IL34: variants seen among roughly 807,000 people sequenced by gnomAD.
The protein encoded by IL34 is interleukin-34.
Under a neutral mutation model 25.3 loss-of-function variants are expected in IL34, and 17 were observed. That is an observed-to-expected ratio of 0.67 (90% CI 0.46 to 1.01). The LOEUF (loss-of-function observed/expected upper bound fraction) is 1.01. Ranked by LOEUF, IL34 falls within the 50% of genes least tolerant of loss-of-function variation. The pLI, the probability that IL34 is intolerant of heterozygous loss-of-function variation, is 0.00. For synonymous variants in IL34, 174 were observed against 140.9 expected (o/e 1.23, Z -1.66); for missense variants, 368 against 312.9 (o/e 1.18, Z -1.33).
intron 1 of IL34, among the ~76,000 whole-genome samples, chr16:70,589,532 C>T (rs2151805765): frequency 6.6e-6 from 1 of 152,206 alleles, no homozygotes; most frequent in South Asian, 2.1e-4. Flanking sequence ...GGATAATGGC[C>T]TCCAGCTCCA....
chr16:70,656,700 TG>T (rs1433454105), intron 3 of IL34, 21 bp downstream of exon 3: 42 of 1,174,660 alleles, frequency 3.6e-5, no homozygotes, highest in Non-Finnish European at 5.1e-5. Flanking sequence ...CTTCCTGGGC[TG>T]GGGGGACCCT....
At chr16:70,626,586 G>A (rs976576230) in intron 1 of IL34, among the ~76,000 whole-genome samples, 1 of 151,916 alleles carries the variant, frequency 6.6e-6, no homozygotes, top group African/African-American at 2.4e-5. Flanking sequence ...AGTGGAGATG[G>A]GGTTTCACCA....
chr16:70,604,346 C>T (rs74024406), intron 1 of IL34, among the ~76,000 whole-genome samples: 2,800 of 152,312 alleles, frequency 0.018, 89 homozygotes, highest in African/African-American at 0.063. Flanking sequence ...ACACCCATTT[C>T]CCCTACACCA....
intron 1 of IL34, among the ~76,000 whole-genome samples, chr16:70,597,078 T>A (rs1003398159): frequency 2.0e-5 from 3 of 152,144 alleles, no homozygotes; most frequent in Non-Finnish European, 4.4e-5. Flanking sequence ...TTAACCCTCC[T>A]AGTGAACTGA....
rs564529049 is a variant in IL34, at chr16:70,660,468, C to T, written c.*281C>T. ...CCTGGTGCTGCCCTCACTGTCCCCC[C>T]GCCTAAAGGGGGTACTGAGCCTCCT... is the stretch of plus-strand genomic sequence containing the variant. On this transcript the variant is annotated 3_prime_UTR_variant, in exon 6 of 6. Coordinates refer to ENST00000288098, the MANE Select transcript of IL34 (RefSeq NM_001393494.1). 413 of 356,602 alleles carry T rather than the reference C, an allele frequency of 1.2e-3. 1 individual carries two copies. The highest frequency in any genetic ancestry group is 1.7e-3 in the Non-Finnish European group (328 of 198,418). 22.1% of individuals were successfully genotyped at this position (356,602 alleles called of 1,614,324 possible).
upstream of IL34, among the ~76,000 whole-genome samples, chr16:70,644,921 GAGGAGGA>G (rs1197739842): frequency 2.5e-5 from 2 of 81,286 alleles, no homozygotes; most frequent in Admixed American, 9.9e-5. Context: ...GGAGGAGAAG[GAGGAGGA>G]AGGAGGAAGA....
At chr16:70,625,306 G>A (rs918925533) in intron 1 of IL34, among the ~76,000 whole-genome samples, 1 of 151,864 alleles carries the variant, frequency 6.6e-6, no homozygotes, top group Admixed American at 6.6e-5. Flanking sequence ...GGGGTTCGGG[G>A]GTTCTTACCC....
Position 70,646,806 on chromosome 16 carries a change from C to T in IL34, c.-142C>T. On this transcript the variant is annotated 5_prime_UTR_variant, in exon 1 of 6. Transcript: ENST00000288098. Reference sequence around the variant, plus strand: ...TGGGGCACCTGCTCACTCCCGCAGCCCAGCCACTCCTCCAGGGCCAGCCCT... The same window carrying T: ...TGGGGCACCTGCTCACTCCCGCAGCTCAGCCACTCCTCCAGGGCCAGCCCT... The T allele has an allele frequency of 1.3e-6, 1 of 755,610 alleles. No homozygotes were observed. The highest frequency in any genetic ancestry group is 2.0e-6 in the Non-Finnish European group (1 of 497,524). 46.8% of individuals were successfully genotyped at this position (755,610 alleles called of 1,614,324 possible).
chr16:70,624,412 C>A (rs1270303097), intron 1 of IL34, among the ~76,000 whole-genome samples: 1 of 152,004 alleles, frequency 6.6e-6, no homozygotes, highest in Non-Finnish European at 1.5e-5. Context: ...TTAATTAAAT[C>A]CTGTTGTGGG....
chr16:70,644,849 A>G, upstream of IL34, among the ~76,000 whole-genome samples: 2 of 126,640 alleles, frequency 1.6e-5, no homozygotes, highest in Non-Finnish European at 3.2e-5. Context: ...GGAAGGAGGG[A>G]AGAGGAGGAA....
At chr16:70,611,244 G>C (rs1189087173) in intron 1 of IL34, among the ~76,000 whole-genome samples, 1 of 152,128 alleles carries the variant, frequency 6.6e-6, no homozygotes, top group Non-Finnish European at 1.5e-5. Context: ...CATGTGAGAG[G>C]CTCTTGGAAC....
chr16:70,659,851 C>T lies in IL34; in HGVS notation c.538+98C>T, dbSNP rs1412074275. The T allele has an allele frequency of 1.5e-5, 22 of 1,499,342 alleles. No individual in the cohort carries two copies. The Admixed American group carries it at 4.0e-4, about 27-fold the overall frequency. The allele number at this position is 1,499,342 out of a possible 1,614,324, so 92.9% of individuals were successfully genotyped here. Reference sequence around the variant, plus strand: ...GAGCTGGCGTCCTCCCGGGCATATCCTCTGCTCCCCGGGGCTACAAGCCAT... The same window carrying T: ...GAGCTGGCGTCCTCCCGGGCATATCTTCTGCTCCCCGGGGCTACAAGCCAT... On this transcript the variant is annotated intron_variant, in intron 5 of 5. Coordinates refer to ENST00000288098, the MANE Select transcript of IL34 (RefSeq NM_001393494.1).
intron 1 of IL34, among the ~76,000 whole-genome samples, chr16:70,593,064 C>T (rs1015288827): frequency 4.6e-5 from 7 of 152,030 alleles, no homozygotes; most frequent in Admixed American, 4.6e-4. Context: ...TGGCCTCAGG[C>T]GATCCTCCTG....
At chr16:70,638,560 C>T (rs2051709742) in intron 1 of IL34, among the ~76,000 whole-genome samples, 1 of 152,086 alleles carries the variant, frequency 6.6e-6, no homozygotes, top group Admixed American at 6.6e-5. Flanking sequence ...GCTTCTTATC[C>T]TCCCAATATC....
intron 1 of IL34, among the ~76,000 whole-genome samples, chr16:70,598,385 C>T (rs188615571): frequency 1.3e-5 from 2 of 152,188 alleles, no homozygotes; most frequent in African/African-American, 2.4e-5. Context: ...TTCCTCAGGC[C>T]GCGCCCCTGC....
intron 1 of IL34, among the ~76,000 whole-genome samples, chr16:70,605,950 G>A (rs1330514389): frequency 1.3e-5 from 2 of 149,648 alleles, no homozygotes; most frequent in Non-Finnish European, 3.0e-5. Context: ...GGGATTACAG[G>A]CGTGAGCCAC....
chr16:70,657,518 G>A (rs541101459), intron 4 of IL34, among the ~76,000 whole-genome samples: 1 of 152,284 alleles, frequency 6.6e-6, no homozygotes, highest in East Asian at 1.9e-4. Flanking sequence ...TGCAGGCCGG[G>A]CGCGGCGGCT....
At chr16:70,621,710 G>A (rs1433980009) in intron 1 of IL34, among the ~76,000 whole-genome samples, 2 of 152,240 alleles carry the variant, frequency 1.3e-5, no homozygotes, top group African/African-American at 4.8e-5. Flanking sequence ...CGAAAAGAGA[G>A]TCAGTGAAGG....
At chr16:70,613,975 G>C (rs1420432271) in intron 1 of IL34, among the ~76,000 whole-genome samples, 1 of 151,900 alleles carries the variant, frequency 6.6e-6, no homozygotes, top group African/African-American at 2.4e-5. Context: ...ATTGCTTGAG[G>C]CCAGGAGTTT....
Sources: gnomAD v4.1 joint callset for allele counts (sites outside exome capture counted in the v4.1 genomes callset) on GRCh38, gnomAD v4.1.1 for gene constraint, MANE v1.5 for transcripts, NCBI Gene and HGNC (gene_info 2026-07-23, HGNC 2026-07-21) for gene names.